SMAP2: variants seen among roughly 807,000 people sequenced by gnomAD.
The protein encoded by SMAP2 is small ArfGAP2.
In SMAP2, 25 loss-of-function variants were observed where a neutral mutation model predicts 56.4. The observed-to-expected ratio is 0.44, with a 90% CI of 0.32 to 0.62. SMAP2 has a LOEUF of 0.62. Ranked by LOEUF, SMAP2 falls within the 20% of genes least tolerant of loss-of-function variation. The pLI, the probability that SMAP2 is intolerant of heterozygous loss-of-function variation, is 0.04. For synonymous variants in SMAP2, 157 were observed against 181.7 expected (o/e 0.86, Z 1.09); for missense variants, 388 against 545.6 (o/e 0.71, Z 2.88).
chr1:40,381,553 G>T (rs184417345), intron 1 of SMAP2, among the ~76,000 whole-genome samples: 5 of 152,280 alleles, frequency 3.3e-5, no homozygotes, highest in Admixed American at 3.3e-4. Context: ...GTGTGTGTGT[G>T]TGTGCGTGTG....
intron 9 of SMAP2, 144 bp from the exon 10 acceptor site, chr1:40,421,832 G>C (rs372651837): frequency 4.8e-5 from 42 of 876,680 alleles, no homozygotes; most frequent in Middle Eastern, 2.9e-4. Context: ...TGACTGCTAA[G>C]GTCCAGGGTT....
Position 40,374,649 on chromosome 1 carries a change from A to C in SMAP2, c.103+426A>C. On this transcript the variant is annotated intron_variant, in intron 1 of 9. Coordinates refer to ENST00000372718, the MANE Select transcript of SMAP2 (RefSeq NM_022733.3). This position sits in a 1 kb window ranked among gnomAD's most constrained non-coding sequence, Gnocchi z 5.9. ...TGAGAGAGAGAGAGAGAGAATGACG[A>C]GGAGGAGGAGGAGGGAAGTGAGATG... 1 of 1,413,590 alleles carries C rather than the reference A, an allele frequency of 7.1e-7. No individual in the cohort carries two copies. The highest frequency in any genetic ancestry group is 2.2e-5 in the Admixed American group (1 of 46,414). 87.6% of individuals were successfully genotyped at this position (1,413,590 alleles called of 1,614,324 possible).
rs767743338 is a variant in SMAP2, at chr1:40,414,250, G to A, written c.571+10G>A. The A allele has an allele frequency of 3.1e-6, 5 of 1,613,478 alleles. No homozygotes were observed. The highest frequency in any genetic ancestry group is 4.2e-6 in the Non-Finnish European group (5 of 1,179,454). On this transcript the variant is annotated intron_variant, in intron 6 of 9. Coordinates refer to ENST00000372718, the MANE Select transcript of SMAP2 (RefSeq NM_022733.3). ...GATTTGTTGGGCCTTGGTAAGAGTT[G>A]GACTTTTCAGCTTCCATGTTCTTAC...
chr1:40,377,106 T>C (rs926000704), intron 1 of SMAP2, among the ~76,000 whole-genome samples: 2 of 152,072 alleles, frequency 1.3e-5, no homozygotes, highest in Admixed American at 6.6e-5. Context: ...GGCAACATAG[T>C]GTGACCTTGT....
chr1:40,414,025 A>T, intron 5 of SMAP2, 134 bp from the exon 6 acceptor site: 2 of 719,614 alleles, frequency 2.8e-6, no homozygotes, highest in South Asian at 1.8e-5. Flanking sequence ...ATACTTCCTG[A>T]GTTTTGTTTC....
At chr1:40,399,764 A>G (rs989020082) in intron 1 of SMAP2, among the ~76,000 whole-genome samples, 5 of 149,970 alleles carry the variant, frequency 3.3e-5, no homozygotes, top group African/African-American at 1.2e-4. Context: ...ATGAAAGTTC[A>G]TAACCTTTAA....
chr1:40,416,118 C>G, intron 7 of SMAP2, 58 bp from the exon 8 acceptor site: 1 of 1,551,484 alleles, frequency 6.4e-7, no homozygotes, highest in Non-Finnish European at 8.8e-7. Flanking sequence ...AAGGGAGACC[C>G]TTAAAGAGAC....
intron 1 of SMAP2, among the ~76,000 whole-genome samples, chr1:40,382,608 C>CAT (rs1415856703): frequency 1.3e-5 from 2 of 152,210 alleles, no homozygotes; most frequent in Non-Finnish European, 2.9e-5. Flanking sequence ...TGTGACAGTT[C>CAT]ATACCACATT....
At chr1:40,361,002 A>T (rs1449459241) in intron 1 of SMAP2, among the ~76,000 whole-genome samples, 2 of 152,238 alleles carry the variant, frequency 1.3e-5, no homozygotes, top group Non-Finnish European at 2.9e-5. Flanking sequence ...ATGACTTAAT[A>T]AGACACCAGC....
At chr1:40,375,278 G>A (rs988179048) in intron 1 of SMAP2, among the ~76,000 whole-genome samples, 3 of 152,110 alleles carry the variant, frequency 2.0e-5, no homozygotes, top group East Asian at 1.9e-4. Context: ...TTTTGGGGGC[G>A]ACAATTTACT....
intron 4 of SMAP2, among the ~76,000 whole-genome samples, chr1:40,410,420 C>T (rs898766297): frequency 1.3e-5 from 2 of 151,214 alleles, no homozygotes; most frequent in African/African-American, 2.4e-5. Flanking sequence ...TATACTAGAT[C>T]AAATAAAACA....
chr1:40,354,424 C>T (rs10889311), intron 1 of SMAP2, among the ~76,000 whole-genome samples: 62,518 of 151,578 alleles, frequency 0.41, 13,330 homozygotes, highest in East Asian at 0.56. Flanking sequence ...CACTGATCTC[C>T]GCCTCCCGGG....
chr1:40,363,131 T>A (rs1230789518), intron 2 of SMAP2, among the ~76,000 whole-genome samples: 3 of 152,148 alleles, frequency 2.0e-5, no homozygotes, highest in African/African-American at 7.2e-5. Flanking sequence ...AGCACAACTG[T>A]CAATAATATT....
chr1:40,415,196 G>C, intron 6 of SMAP2, 76 bp from the exon 7 acceptor site: 2 of 1,122,718 alleles, frequency 1.8e-6, no homozygotes, highest in Non-Finnish European at 2.7e-6. Context: ...GGCCACCTTT[G>C]CTTTTTGTCT....
At chr1:40,347,466 C>G (rs1644394169) in intron 1 of SMAP2, among the ~76,000 whole-genome samples, 1 of 151,868 alleles carries the variant, frequency 6.6e-6, no homozygotes, top group Non-Finnish European at 1.5e-5. Flanking sequence ...TACACTTTTT[C>G]TGTGAATTGT....
At chr1:40,362,970 C>T (rs1644465798) in intron 2 of SMAP2, among the ~76,000 whole-genome samples, 1 of 152,020 alleles carries the variant, frequency 6.6e-6, no homozygotes, top group Non-Finnish European at 1.5e-5. Flanking sequence ...TGTGTTAGAA[C>T]TCACTAAGAG....
intron 1 of SMAP2, among the ~76,000 whole-genome samples, chr1:40,378,353 G>A (rs376974491): frequency 6.6e-6 from 1 of 152,200 alleles, no homozygotes; most frequent in African/African-American, 2.4e-5. Flanking sequence ...ATTTCTAATG[G>A]AGGGCTGACT....
intron 1 of SMAP2, chr1:40,393,364 AG>A: frequency 1.3e-6 from 2 of 1,535,222 alleles, no homozygotes; most frequent in Non-Finnish European, 1.7e-6. Context: ...TGAGTGCAGC[AG>A]GAGAGGCAGC....
intron 1 of SMAP2, chr1:40,393,336 A>G: frequency 6.5e-7 from 1 of 1,528,510 alleles, no homozygotes; most frequent in Non-Finnish European, 8.7e-7. Context: ...ACCCAACAAC[A>G]GAACAACCAC....
Sources: allele counts gnomAD v4.1 joint callset (sites outside exome capture counted in the v4.1 genomes callset), GRCh38; gene constraint gnomAD v4.1.1; non-coding constraint Gnocchi (gnomAD v3.1); transcripts MANE v1.5; gene names NCBI Gene and HGNC (gene_info 2026-07-23, HGNC 2026-07-21).